TENM3: variants seen among roughly 807,000 people sequenced by gnomAD.
TENM3 encodes the protein teneurin transmembrane protein 3, also known as teneurin-3.
A neutral mutation model predicts 255.1 loss-of-function variants in TENM3; 63 were observed. The ratio of observed to expected loss-of-function variants is 0.25; its 90% CI spans 0.20 to 0.30. The LOEUF is 0.30. Among genes scored for constraint, TENM3 ranks in the 10% least tolerant of loss-of-function variants. The probability of loss-of-function intolerance (pLI) is 1.00; values close to 1 mark genes in which losing one functional copy is unlikely to be tolerated. For synonymous variants in TENM3, 1,306 were observed against 1,322.3 expected (o/e 0.99, Z 0.27); for missense variants, 2,929 against 3,461.1 (o/e 0.85, Z 3.86).
chr4:181,981,436 G>A, the TENM3 span, among the ~76,000 whole-genome samples: 1 of 152,240 alleles, frequency 6.6e-6, no homozygotes, highest in East Asian at 1.9e-4. Context: ...CTTTAAAAAT[G>A]TATATAAGAC....
At chr4:181,661,205 C>A in the TENM3 span, among the ~76,000 whole-genome samples, 3 of 152,084 alleles carry the variant, frequency 2.0e-5, no homozygotes, top group Non-Finnish European at 4.4e-5. Context: ...TCGATGGGCA[C>A]AATTCCTTCC....
At chr4:182,048,660 A>G in the TENM3 span, among the ~76,000 whole-genome samples, 1 of 152,284 alleles carries the variant, frequency 6.6e-6, no homozygotes, top group African/African-American at 2.4e-5. Context: ...CTTTTTACAT[A>G]TGTACCATTC....
At chr4:181,781,961 G>A in the TENM3 span, among the ~76,000 whole-genome samples, 1 of 152,174 alleles carries the variant, frequency 6.6e-6, no homozygotes, top group Admixed American at 6.6e-5. Context: ...GCATCCTAGG[G>A]ATGAAGCCCA....
At chr4:182,010,912 CT>C in the TENM3 span, among the ~76,000 whole-genome samples, 3 of 152,214 alleles carry the variant, frequency 2.0e-5, no homozygotes, top group Non-Finnish European at 4.4e-5. Flanking sequence ...AGTTACCTGG[CT>C]CCACCACTCT....
the TENM3 span, among the ~76,000 whole-genome samples, chr4:181,827,548 C>T: frequency 6.6e-6 from 1 of 152,156 alleles, no homozygotes; most frequent in Non-Finnish European, 1.5e-5. Flanking sequence ...TGTTGATGTG[C>T]CCTCCTCTAC....
At position 182,600,897 on chromosome 4, in the gene TENM3, CTTTTTTT is replaced by C. The variant is rs548783934; in HGVS notation, c.512-10_512-4del. On this transcript the variant is annotated intron_variant, in intron 3 of 27. Transcript: ENST00000511685. Reference sequence around the variant, plus strand: ...TATATATATATAATGAGTTCTCTTTCTTTTTTTTTTTTTTTTTTTTTTTCAGAGCAAC... The same window carrying C: ...TATATATATATAATGAGTTCTCTTTCTTTTTTTTTTTTTTTTCAGAGCAAC... 235 of 495,990 alleles carry C rather than the reference CTTTTTTT, an allele frequency of 4.7e-4. No homozygotes were observed. The highest frequency in any genetic ancestry group is 5.6e-4 in the Middle Eastern group (1 of 1,778). 30.7% of individuals were successfully genotyped at this position (495,990 alleles called of 1,614,324 possible). A position where few individuals can be genotyped will look rare whatever the true frequency, so the allele number is the denominator to read the frequency against.
chr4:182,674,870 C>CTATTT (rs919094327), intron 7 of TENM3, among the ~76,000 whole-genome samples: 7 of 151,400 alleles, frequency 4.6e-5, no homozygotes, highest in Admixed American at 1.3e-4. Context: ...CGCGTCTGGG[C>CTATTT]TATTTTATTT....
intron 1 of TENM3, among the ~76,000 whole-genome samples, chr4:182,189,652 T>C (rs1387145834): frequency 1.3e-5 from 2 of 152,014 alleles, no homozygotes; most frequent in Non-Finnish European, 2.9e-5. Context: ...CAGAAGTTGG[T>C]GGTCTGGAAA....
intron 3 of TENM3, among the ~76,000 whole-genome samples, chr4:182,509,713 G>A (rs796917313): frequency 5.9e-5 from 9 of 152,000 alleles, no homozygotes; most frequent in East Asian, 5.8e-4. Context: ...CAAGACAGGC[G>A]GATCACCTGA....
chr4:182,362,825 G>A (rs895227094), intron 3 of TENM3, among the ~76,000 whole-genome samples: 1 of 152,214 alleles, frequency 6.6e-6, no homozygotes, highest in African/African-American at 2.4e-5. Context: ...CGCTTACGCT[G>A]GGAGCTGTAG....
the TENM3 span, among the ~76,000 whole-genome samples, chr4:181,838,753 C>A: frequency 1.3e-5 from 2 of 151,786 alleles, no homozygotes; most frequent in African/African-American, 4.8e-5. Flanking sequence ...AATGTTATTT[C>A]TTTTCTCTTT....
chr4:181,776,177 T>C, the TENM3 span, among the ~76,000 whole-genome samples: 1 of 152,166 alleles, frequency 6.6e-6, no homozygotes. Flanking sequence ...AGGCAATGTT[T>C]CTGTTTCTGG....
At chr4:182,425,987 G>C (rs1771178361) in intron 3 of TENM3, among the ~76,000 whole-genome samples, 2 of 104,052 alleles carry the variant, frequency 1.9e-5, no homozygotes, top group African/African-American at 8.1e-5. Flanking sequence ...CAGCCTAAGA[G>C]ACAGAGCGAG....
the TENM3 span, among the ~76,000 whole-genome samples, chr4:181,616,746 G>A: frequency 7.9e-5 from 12 of 152,090 alleles, no homozygotes; most frequent in African/African-American, 2.4e-4. Flanking sequence ...TCTAATGTCC[G>A]TGGGCAGGAG....
At chr4:182,422,262 C>T (rs1056503977) in intron 3 of TENM3, among the ~76,000 whole-genome samples, 2 of 152,066 alleles carry the variant, frequency 1.3e-5, no homozygotes, top group South Asian at 4.2e-4. Flanking sequence ...TAAAGCCAAG[C>T]AAGCAGTGGG....
chr4:181,742,827 T>TC, the TENM3 span, among the ~76,000 whole-genome samples: 1 of 89,632 alleles, frequency 1.1e-5, no homozygotes, highest in African/African-American at 4.4e-5. Context: ...CCCTCCTCCC[T>TC]CCCCCCTCCC....
At chr4:182,359,113 C>T (rs575177387) in intron 3 of TENM3, among the ~76,000 whole-genome samples, 3,029 of 151,894 alleles carry the variant, frequency 0.02, 66 homozygotes, top group African/African-American at 0.047. Flanking sequence ...CTGCTGGATT[C>T]GGTTTGCCGG....
At chr4:182,257,583 C>T (rs1696149866) in intron 1 of TENM3, among the ~76,000 whole-genome samples, 1 of 152,096 alleles carries the variant, frequency 6.6e-6, no homozygotes, top group African/African-American at 2.4e-5. Flanking sequence ...TCAACACTGC[C>T]CAAGGATGCA....
At chr4:182,422,609 A>G (rs1346502829) in intron 3 of TENM3, among the ~76,000 whole-genome samples, 1 of 152,244 alleles carries the variant, frequency 6.6e-6, no homozygotes, top group East Asian at 1.9e-4. Context: ...GGACCTGGAA[A>G]TAGTCCCTTC....
Sources: allele counts gnomAD v4.1 joint callset (sites outside exome capture counted in the v4.1 genomes callset), GRCh38; gene constraint gnomAD v4.1.1; transcripts MANE v1.5; gene names NCBI Gene and HGNC (gene_info 2026-07-23, HGNC 2026-07-21).